GABBR2: variants seen among roughly 807,000 people sequenced by gnomAD.
GABBR2 encodes gamma-aminobutyric acid type B receptor subunit 2.
In GABBR2, 23 loss-of-function variants were observed where a neutral mutation model predicts 105.6. The ratio of observed to expected loss-of-function variants is 0.22; its 90% CI spans 0.16 to 0.31. The LOEUF is 0.31. GABBR2 is among the 10% of genes least tolerant of loss of function. GABBR2 has a pLI of 1.00. For missense variants in GABBR2, 734 were observed against 1,245.5 expected (o/e 0.59, Z 6.18); for synonymous variants, 478 against 499.7 (o/e 0.96, Z 0.58).
intron 13 of GABBR2, among the ~76,000 whole-genome samples, chr9:98,331,806 G>C (rs189792359): frequency 6.6e-6 from 1 of 152,190 alleles, no homozygotes; most frequent in Non-Finnish European, 1.5e-5. Context: ...ATGGGAAGTG[G>C]GAGTGGGAGC....
At chr9:98,488,133 C>T (rs73505046) in intron 4 of GABBR2, among the ~76,000 whole-genome samples, 2,976 of 152,222 alleles carry the variant, frequency 0.02, 107 homozygotes, top group African/African-American at 0.066. Context: ...GGAACTTGGC[C>T]GCACTGACAC....
chr9:98,558,162 C>T (rs906036118), intron 2 of GABBR2, among the ~76,000 whole-genome samples: 2 of 152,168 alleles, frequency 1.3e-5, no homozygotes, highest in Admixed American at 6.5e-5. Flanking sequence ...ATGGCCTAAG[C>T]GATAGCTTTG....
chr9:98,483,252 C>T (rs1183381993), intron 4 of GABBR2, among the ~76,000 whole-genome samples: 1 of 152,184 alleles, frequency 6.6e-6, no homozygotes, highest in Non-Finnish European at 1.5e-5. Flanking sequence ...GTTCTGTCTG[C>T]TCACAACTAG....
At chr9:98,611,877 C>T (rs912871230) in intron 1 of GABBR2, among the ~76,000 whole-genome samples, 24 of 151,352 alleles carry the variant, frequency 1.6e-4, no homozygotes, top group African/African-American at 2.4e-5. Flanking sequence ...GAATGAATGG[C>T]AATTGACCGA....
chr9:98,700,050 G>A (rs940863436), intron 1 of GABBR2, among the ~76,000 whole-genome samples: 1 of 152,180 alleles, frequency 6.6e-6, no homozygotes, highest in Non-Finnish European at 1.5e-5. Flanking sequence ...GAAGGGGAAT[G>A]CCTTCCCTTC....
At chr9:98,340,448 CG>C (rs1465837763) in intron 13 of GABBR2, among the ~76,000 whole-genome samples, 1 of 150,174 alleles carries the variant, frequency 6.7e-6, no homozygotes, top group Non-Finnish European at 1.5e-5. Flanking sequence ...TTTTTTGAGA[CG>C]GGGTCTCGTC....
intron 11 of GABBR2, among the ~76,000 whole-genome samples, chr9:98,374,789 G>C (rs901301178): frequency 6.6e-6 from 1 of 152,110 alleles, no homozygotes; most frequent in African/African-American, 2.4e-5. Flanking sequence ...GCCTCCCCAC[G>C]TGCCTTTTCC....
intron 13 of GABBR2, among the ~76,000 whole-genome samples, chr9:98,360,943 C>T (rs1831571570): frequency 6.6e-6 from 1 of 152,176 alleles, no homozygotes; most frequent in South Asian, 2.1e-4. Context: ...AGCCACTGTG[C>T]CTCGTTCTGT....
chr9:98,540,938 G>T, intron 3 of GABBR2, among the ~76,000 whole-genome samples: 1 of 152,322 alleles, frequency 6.6e-6, no homozygotes, highest in Non-Finnish European at 1.5e-5. Context: ...CTGTTGGTGG[G>T]ACTAGAAATT....
At chr9:98,469,809 A>G (rs968107717) in intron 6 of GABBR2, among the ~76,000 whole-genome samples, 6 of 152,224 alleles carry the variant, frequency 3.9e-5, no homozygotes, top group Non-Finnish European at 8.8e-5. Flanking sequence ...GAGGATGACA[A>G]GAGCCCATTC....
chr9:98,370,335 A>C (rs932591306), intron 12 of GABBR2, among the ~76,000 whole-genome samples: 1 of 152,110 alleles, frequency 6.6e-6, no homozygotes, highest in Non-Finnish European at 1.5e-5. Context: ...GCAGGAGAGA[A>C]AGTCCTAGTA....
chr9:98,395,325 G>T (rs1201046130), intron 8 of GABBR2, among the ~76,000 whole-genome samples: 1 of 152,140 alleles, frequency 6.6e-6, no homozygotes. Flanking sequence ...GAAGAATAAT[G>T]AGTTCCATCT....
intron 13 of GABBR2, among the ~76,000 whole-genome samples, chr9:98,338,138 C>A (rs762010723): frequency 3.9e-5 from 6 of 152,150 alleles, no homozygotes; most frequent in Admixed American, 2.0e-4. Context: ...GGATCAAATA[C>A]CTAAATGTAA....
Position 98,388,956 on chromosome 9 carries a change from T to A in GABBR2, c.1427A>T (p.Lys476Met). Residue 476 changes from lysine (K) to methionine (M), a missense_variant, in exon 10 of 19, where the codon AAG (lysine) becomes ATG (methionine). This residue lies in a region of GABBR2 where 370 missense variants were observed against 648.9 expected (regional missense o/e 0.57). Transcript: ENST00000259455. The surrounding 1 kb of genome is among the most constrained non-coding windows in gnomAD (Gnocchi z 4.4). ...DKTIILEQLR[K>M]ISLPLYSILS... ...GATGCTGTAGAGAGGTAGGGAGATC[T>A]TCCGCAGCTGCTCCAGGATGATGGT... 1 of 1,613,684 alleles carries A rather than the reference T, an allele frequency of 6.2e-7. No homozygotes were observed. Among genetic ancestry groups the A allele is most frequent in the East Asian group, 2.2e-5 (1 of 44,874 alleles).
intron 13 of GABBR2, among the ~76,000 whole-genome samples, chr9:98,333,458 C>G (rs980616963): frequency 4.6e-5 from 7 of 152,126 alleles, no homozygotes; most frequent in Non-Finnish European, 8.8e-5. Context: ...AGAGAAGAAT[C>G]CTGCCATGTC....
At chr9:98,575,645 G>A (rs148210628) in intron 2 of GABBR2, among the ~76,000 whole-genome samples, 131 of 152,320 alleles carry the variant, frequency 8.6e-4, no homozygotes, top group African/African-American at 3.1e-3. Flanking sequence ...CAAGCCCAGA[G>A]AATCTAAGTG....
intron 1 of GABBR2, among the ~76,000 whole-genome samples, chr9:98,626,883 G>A (rs1388797281): frequency 6.6e-6 from 1 of 152,126 alleles, no homozygotes; most frequent in African/African-American, 2.4e-5. Flanking sequence ...TGCTCCTGGA[G>A]GGCTGAACCA....
intron 3 of GABBR2, among the ~76,000 whole-genome samples, chr9:98,518,470 T>C (rs747708667): frequency 2.6e-5 from 4 of 152,228 alleles, no homozygotes; most frequent in Non-Finnish European, 5.9e-5. Context: ...CCCTCCTATG[T>C]CTAAGTCCTG....
intron 13 of GABBR2, among the ~76,000 whole-genome samples, chr9:98,340,945 C>T (rs180807933): frequency 1.3e-5 from 2 of 152,374 alleles, no homozygotes; most frequent in Admixed American, 1.3e-4. Context: ...AGTTTCCAAT[C>T]ATTCTGTTCA....
Sources: gnomAD v4.1 joint callset for allele counts (sites outside exome capture counted in the v4.1 genomes callset) on GRCh38, gnomAD v4.1.1 for gene constraint, gnomAD v4.1.1 regional missense constraint, Gnocchi (gnomAD v3.1) non-coding constraint, MANE v1.5 for transcripts, NCBI Gene and HGNC (gene_info 2026-07-23, HGNC 2026-07-21) for gene names.